Variants in CKAP5 observed in about 807,000 individuals in gnomAD.
CKAP5 encodes cytoskeleton associated protein 5.
Under a neutral mutation model 232.8 loss-of-function variants are expected in CKAP5, and 27 were observed. The ratio of observed to expected loss-of-function variants is 0.12; its 90% CI spans 0.09 to 0.16. The LOEUF is 0.16. CKAP5 is among the 10% of genes least tolerant of loss of function. The probability of loss-of-function intolerance (pLI) is 1.00; values close to 1 mark genes in which losing one functional copy is unlikely to be tolerated. For synonymous variants in CKAP5, 785 were observed against 841.1 expected (o/e 0.93, Z 1.16); for missense variants, 1,838 against 2,424.7 (o/e 0.76, Z 5.08).
At chr11:46,840,305 TCAAA>T (rs1382254177) in intron 1 of CKAP5, among the ~76,000 whole-genome samples, 1 of 152,144 alleles carries the variant, frequency 6.6e-6, no homozygotes, top group Non-Finnish European at 1.5e-5. Context: ...GATAAAACTG[TCAAA>T]CTCCCTTAGG....
intron 27 of CKAP5, among the ~76,000 whole-genome samples, chr11:46,765,560 A>C (rs1244521588): frequency 6.6e-6 from 1 of 150,678 alleles, no homozygotes; most frequent in Non-Finnish European, 1.5e-5. Context: ...TTTTCTTGAA[A>C]TCTTCAACAC....
chr11:46,845,944 G>A (rs1592498745), intron 1 of CKAP5, among the ~76,000 whole-genome samples: 1 of 151,394 alleles, frequency 6.6e-6, no homozygotes, highest in Non-Finnish European at 1.5e-5. Flanking sequence ...CCCGCGCCCC[G>A]CGGACGCTGC....
chr11:46,756,688 A>C (rs2065112721), intron 35 of CKAP5, among the ~76,000 whole-genome samples: 1 of 151,880 alleles, frequency 6.6e-6, no homozygotes, highest in Middle Eastern at 3.2e-3. Flanking sequence ...TTTACCTGTC[A>C]TGTCTCTCAG....
chr11:46,789,486 T>C (rs1014508648), intron 15 of CKAP5, among the ~76,000 whole-genome samples: 7 of 152,278 alleles, frequency 4.6e-5, no homozygotes, highest in Non-Finnish European at 7.4e-5. Context: ...GCAAGTACCA[T>C]AGTTAAAAAA....
chr11:46,811,036 G>A lies in CKAP5; in HGVS notation c.601C>T (p.Pro201Ser). The A allele has an allele frequency of 6.2e-7, 1 of 1,613,616 alleles. No homozygotes were observed. The highest frequency in any genetic ancestry group is 8.5e-7 in the Non-Finnish European group (1 of 1,179,826). ...ACAGAGTTTATATTTTGTAATGGGGGTCTCAGAGCATCCCGAATCCATCTG... is the reference window on the plus strand; with the variant it reads ...ACAGAGTTTATATTTTGTAATGGGGATCTCAGAGCATCCCGAATCCATCTG... ...IYRWIRDALR[P>S]PLQNINSVQL... is the part of the protein sequence containing the mutation. The change falls in exon 5 of 44, where the codon CCC (proline) becomes TCC (serine). Residue 201 changes from proline (P) to serine (S), a missense_variant. Pro to Ser is a moderately conservative substitution (Grantham distance 74, BLOSUM62 -1). This residue lies in a region of CKAP5 where 285 missense variants were observed against 300.0 expected (regional missense o/e 0.95). Coordinates refer to ENST00000529230, the MANE Select transcript of CKAP5 (RefSeq NM_001008938.4).
intron 23 of CKAP5, among the ~76,000 whole-genome samples, chr11:46,776,957 T>C (rs2065296603): frequency 6.6e-6 from 1 of 152,164 alleles, no homozygotes; most frequent in Admixed American, 6.5e-5. Context: ...TCTAGAACTA[T>C]GAAACTACAA....
chr11:46,749,324 AC>A (rs1373090491), intron 42 of CKAP5, among the ~76,000 whole-genome samples: 1 of 151,298 alleles, frequency 6.6e-6, no homozygotes, highest in African/African-American at 2.4e-5. Flanking sequence ...GTGTGGTGGC[AC>A]CCGCCTGTGG....
Position 46,763,095 on chromosome 11 carries a change from T to C in CKAP5, c.3772A>G (p.Thr1258Ala). The change falls in exon 30 of 44, where the codon ACA becomes GCA. Residue 1258 changes from threonine to alanine, a missense_variant. This residue lies in a region of CKAP5 where 48 missense variants were observed against 98.1 expected (regional missense o/e 0.49). Coordinates refer to ENST00000529230, the MANE Select transcript of CKAP5 (RefSeq NM_001008938.4). The part of the protein sequence containing the change: ...WLTLRFFDTN[T>A]SVLMKALEYL... ...TCTAGTGCTTTCATCAGGACGCTTG[T>C]ATTGGTGTCAAAAAACCTCAGGGTA... 6.2e-7 allele frequency: 1 copy of C among 1,613,792 alleles called. No homozygotes were observed. The highest frequency in any genetic ancestry group is 1.1e-5 in the South Asian group (1 of 91,076).
At chr11:46,836,665 A>G (rs527724562) in intron 1 of CKAP5, among the ~76,000 whole-genome samples, 1 of 152,368 alleles carries the variant, frequency 6.6e-6, no homozygotes, top group African/African-American at 2.4e-5. Flanking sequence ...ACTCTCATTC[A>G]TTGCTAATAG....
chr11:46,796,010 A>G (rs1274872208), intron 12 of CKAP5, among the ~76,000 whole-genome samples: 1 of 152,022 alleles, frequency 6.6e-6, no homozygotes. Flanking sequence ...CTAAAAATAA[A>G]AAAGTTTAGC....
chr11:46,762,480 T>C (rs2065163984), intron 31 of CKAP5, 147 bp downstream of exon 31: 1 of 1,030,334 alleles, frequency 9.7e-7, no homozygotes, highest in Non-Finnish European at 1.5e-6. Flanking sequence ...TCCACCAGTG[T>C]GCAACTCATC....
chr11:46,788,889 A>AAATGCCATGCCAGGCATTAGT, intron 15 of CKAP5, 116 bp from the exon 16 acceptor site: 1 of 719,620 alleles, frequency 1.4e-6, no homozygotes, highest in South Asian at 1.6e-5. Context: ...AATAGAACTG[A>AAATGCCATGCCAGGCATTAGT]GGAGGGTTAT....
chr11:46,771,394 C>T (rs2065246779), intron 24 of CKAP5, among the ~76,000 whole-genome samples: 1 of 152,122 alleles, frequency 6.6e-6, no homozygotes, highest in African/African-American at 2.4e-5. Flanking sequence ...CTCTATATCC[C>T]TAAAATAGTT....
Position 46,788,635 on chromosome 11 carries a change from G to A in CKAP5, c.1968+46C>T, listed in dbSNP as rs754794306. On this transcript the variant is annotated intron_variant, in intron 16 of 43. Coordinates refer to ENST00000529230, the MANE Select transcript of CKAP5 (RefSeq NM_001008938.4). ...GTATTACTCCATAGGATGATGTAAT[G>A]TAAATTACTTCAATAAAAGACATCA... 4.4e-5 allele frequency: 50 copies of A among 1,126,936 alleles called. 1 individual carries two copies. The Admixed American group carries it at 8.7e-4, about 20-fold the overall frequency. 69.8% of individuals were successfully genotyped at this position (1,126,936 alleles called of 1,614,324 possible).
Position 46,743,139 on chromosome 11 carries a change from C to T in CKAP5, c.*884G>A, listed in dbSNP as rs1380031444. 1 of 152,178 alleles carries T rather than the reference C, an allele frequency of 6.6e-6. No homozygotes were observed. The highest frequency in any genetic ancestry group is 1.9e-4 in the East Asian group (1 of 5,202). The allele number at this position is 152,178 out of a possible 1,614,324, so 9.4% of individuals were successfully genotyped here. A position where few individuals can be genotyped will look rare whatever the true frequency, so the allele number is the denominator to read the frequency against. On this transcript the variant is annotated 3_prime_UTR_variant, in exon 44 of 44. Coordinates refer to ENST00000529230, the MANE Select transcript of CKAP5 (RefSeq NM_001008938.4). ...CAAACCACTAAGATTTCCCAAACTC[C>T]ATTAGTCAAATGAACACAAATCTAG... is the stretch of plus-strand genomic sequence containing the variant.
At chr11:46,765,643 C>T (rs1176376553) in intron 27 of CKAP5, among the ~76,000 whole-genome samples, 1 of 142,200 alleles carries the variant, frequency 7.0e-6, no homozygotes, top group Non-Finnish European at 1.5e-5. Context: ...CTCACTCTGT[C>T]GCCCAGGCTG....
At chr11:46,770,410 T>C (rs1362850241) in intron 25 of CKAP5, 1 of 355,702 alleles carries the variant, frequency 2.8e-6, no homozygotes, top group African/African-American at 2.1e-5. Flanking sequence ...ATATGGTTTT[T>C]TCCTCATATA....
At chr11:46,818,678 A>C (rs1939461177) in intron 2 of CKAP5, among the ~76,000 whole-genome samples, 175 bp from the exon 3 acceptor site, 1 of 152,188 alleles carries the variant, frequency 6.6e-6, no homozygotes, top group South Asian at 2.1e-4. Context: ...CAGTTTTCAA[A>C]AAAGATTAGC....
intron 35 of CKAP5, among the ~76,000 whole-genome samples, chr11:46,756,113 T>C (rs1413863504): frequency 1.3e-5 from 2 of 152,190 alleles, no homozygotes; most frequent in African/African-American, 2.4e-5. Flanking sequence ...CAGTGTTCTG[T>C]TGCAGTACAC....
Sources: gnomAD v4.1 joint callset for allele counts (sites outside exome capture counted in the v4.1 genomes callset) on GRCh38, gnomAD v4.1.1 for gene constraint, gnomAD v4.1.1 regional missense constraint, MANE v1.5 for transcripts, NCBI Gene and HGNC (gene_info 2026-07-23, HGNC 2026-07-21) for gene names.